Variants in BAZ2B observed in about 807,000 individuals in gnomAD.
BAZ2B encodes bromodomain adjacent to zinc finger domain protein 2B.
BAZ2B carries 91 observed loss-of-function variants against 246.0 expected under a neutral mutation model. The observed-to-expected ratio is 0.37, with a 90% confidence interval of 0.31 to 0.44. BAZ2B has a LOEUF of 0.44. Among genes scored for constraint, BAZ2B ranks in the 20% least tolerant of loss-of-function variants. The pLI, the probability that BAZ2B is intolerant of heterozygous loss-of-function variation, is 1.00. For synonymous variants in BAZ2B, 855 were observed against 860.0 expected (o/e 0.99, Z 0.10); for missense variants, 2,332 against 2,533.7 (o/e 0.92, Z 1.71).
At chr2:159,483,020 C>A (rs2079413172) in intron 2 of BAZ2B, among the ~76,000 whole-genome samples, 2 of 152,068 alleles carry the variant, frequency 1.3e-5, no homozygotes, top group Admixed American at 1.3e-4. Flanking sequence ...TCTTGGGTTC[C>A]AAATGATCAC....
chr2:159,570,039 A>G (rs1023163672), intron 1 of BAZ2B, among the ~76,000 whole-genome samples: 1 of 152,208 alleles, frequency 6.6e-6, no homozygotes, highest in African/African-American at 2.4e-5. Context: ...TATATTATCT[A>G]TGCCTCACCT....
chr2:159,539,881 A>G (rs2086454150), intron 2 of BAZ2B, among the ~76,000 whole-genome samples: 1 of 152,084 alleles, frequency 6.6e-6, no homozygotes, highest in East Asian at 1.9e-4. Context: ...GATTTTCACA[A>G]CACGACACCT....
chr2:159,426,602 C>T (rs1444678720), intron 13 of BAZ2B, among the ~76,000 whole-genome samples: 1 of 152,026 alleles, frequency 6.6e-6, no homozygotes, highest in African/African-American at 2.4e-5. Context: ...CTCAGATAAA[C>T]CCATTTTGAC....
chr2:159,638,650 G>C, the BAZ2B span, among the ~76,000 whole-genome samples: 1 of 151,786 alleles, frequency 6.6e-6, no homozygotes, highest in Non-Finnish European at 1.5e-5. Context: ...ACTTGATTAA[G>C]CAGAAAAAAA....
At chr2:159,706,552 GCA>G in the BAZ2B span, among the ~76,000 whole-genome samples, 1 of 152,208 alleles carries the variant, frequency 6.6e-6, no homozygotes, top group Non-Finnish European at 1.5e-5. Flanking sequence ...GTTTGTGCAC[GCA>G]CGCGTGCGCA....
chr2:159,634,386 C>A, the BAZ2B span, among the ~76,000 whole-genome samples: 1 of 152,202 alleles, frequency 6.6e-6, no homozygotes, highest in South Asian at 2.1e-4. Context: ...CACTTCCCCC[C>A]TTACATGAAC....
intron 1 of BAZ2B, 72 bp from the exon 2 acceptor site, chr2:159,555,937 T>C (rs550419522): frequency 6.6e-6 from 1 of 152,328 alleles, no homozygotes; most frequent in Admixed American, 6.5e-5. Flanking sequence ...AAAAAGTTTG[T>C]TTAAAATTTG....
chr2:159,395,804 G>A lies in BAZ2B; in HGVS notation c.3040C>T (p.Leu1014Phe). 1 of 1,611,794 alleles carries A rather than the reference G, an allele frequency of 6.2e-7. No homozygotes were observed. Among genetic ancestry groups the A allele is most frequent in the South Asian group, 1.1e-5 (1 of 90,830 alleles). Residue 1014 changes from leucine (L) to phenylalanine (F), a missense_variant, in exon 20 of 37, where the codon CTT becomes TTT. This residue lies in a region of BAZ2B where 328 missense variants were observed against 410.4 expected (regional missense o/e 0.80). Transcript: ENST00000392783. ...TTACGAGCTTCCATAGCTTTCATAA[G>A]CATCATGTGTTGTCGCCTTCGCTCT... ...ERERRRQHMM[L>F]MKAMEARKKA...
At chr2:159,693,710 C>CTT in the BAZ2B span, 5 of 142,346 alleles carry the variant, frequency 3.5e-5, no homozygotes, top group East Asian at 2.0e-4. Context: ...ACCTGACCAT[C>CTT]TTTTTTTTTT....
At chr2:159,510,863 C>T (rs1168273456) in intron 2 of BAZ2B, among the ~76,000 whole-genome samples, 1 of 152,144 alleles carries the variant, frequency 6.6e-6, no homozygotes, top group Non-Finnish European at 1.5e-5. Context: ...ATTTTACTTA[C>T]ATATCACTCA....
At chr2:159,668,430 T>C in the BAZ2B span, among the ~76,000 whole-genome samples, 1 of 152,210 alleles carries the variant, frequency 6.6e-6, no homozygotes, top group Admixed American at 6.5e-5. Flanking sequence ...CACTGCTATG[T>C]ATGATGTTAA....
chr2:159,710,344 G>A, the BAZ2B span, among the ~76,000 whole-genome samples: 1 of 151,950 alleles, frequency 6.6e-6, no homozygotes, highest in Non-Finnish European at 1.5e-5. Context: ...AAGTAGCAGG[G>A]ACTACAGGCG....
intron 27 of BAZ2B, among the ~76,000 whole-genome samples, chr2:159,368,858 TAAAAA>T (rs58161936): frequency 8.1e-6 from 1 of 123,870 alleles, no homozygotes; most frequent in Admixed American, 8.8e-5. Context: ...CTGAAAGGCC[TAAAAA>T]AAAAAAAAAA....
the BAZ2B span, among the ~76,000 whole-genome samples, chr2:159,706,819 T>C: frequency 3.3e-5 from 5 of 152,202 alleles, no homozygotes; most frequent in African/African-American, 4.8e-5. Context: ...TGGGCTGCTG[T>C]GAAGGTATTT....
At chr2:159,434,029 T>A (rs2071647939) in intron 8 of BAZ2B, 1 of 152,252 alleles carries the variant, frequency 6.6e-6, no homozygotes, top group African/African-American at 2.4e-5. Context: ...CTTGTTATCA[T>A]GCGGCTGACC....
chr2:159,690,831 T>C, the BAZ2B span, among the ~76,000 whole-genome samples: 1 of 151,866 alleles, frequency 6.6e-6, no homozygotes. Flanking sequence ...CATCTGCAAA[T>C]AGAGATAGTT....
rs2063641087 is a variant in BAZ2B, at chr2:159,325,852, T to C, written c.6010A>G (p.Lys2004Glu). Reference protein sequence around the residue: ...VKGKKTNESKKGKKVTLTGDT... With the variant: ...VKGKKTNESKEGKKVTLTGDT... Reference sequence around the variant, plus strand: ...CCTGTTAAAGTTACCTTCTTGCCTTTCTTTGACTCATTAGTCTTTTTTCCT... The same window carrying C: ...CCTGTTAAAGTTACCTTCTTGCCTTCCTTTGACTCATTAGTCTTTTTTCCT... Residue 2004 changes from lysine to glutamate, a missense_variant, in exon 35 of 37, where the codon AAA becomes GAA. Coordinates refer to ENST00000392783, the MANE Select transcript of BAZ2B (RefSeq NM_013450.4). The C allele has an allele frequency of 6.2e-7, 1 of 1,606,772 alleles. No individual in the cohort carries two copies.
chr2:159,331,112 C>T (rs1377342823), intron 34 of BAZ2B, among the ~76,000 whole-genome samples: 1 of 151,856 alleles, frequency 6.6e-6, no homozygotes, highest in Non-Finnish European at 1.5e-5. Flanking sequence ...AATAATATTC[C>T]CAAGGAGGTA....
At chr2:159,329,578 A>C (rs1037165303) in intron 34 of BAZ2B, among the ~76,000 whole-genome samples, 2 of 152,318 alleles carry the variant, frequency 1.3e-5, no homozygotes. Flanking sequence ...AATCAGGATA[A>C]TGTATGCAGA....
Sources: allele counts gnomAD v4.1 joint callset (sites outside exome capture counted in the v4.1 genomes callset), GRCh38; gene constraint gnomAD v4.1.1; regional missense constraint gnomAD v4.1.1; transcripts MANE v1.5; gene names NCBI Gene and HGNC (gene_info 2026-07-23, HGNC 2026-07-21).